CASKIN1: variants seen among roughly 807,000 people sequenced by gnomAD.
CASKIN1 encodes caskin-1.
A neutral mutation model predicts 117.5 loss-of-function variants in CASKIN1; 42 were observed. That is an observed-to-expected ratio of 0.36 (90% CI 0.28 to 0.46). The LOEUF (loss-of-function observed/expected upper bound fraction) is 0.46. Among genes scored for constraint, CASKIN1 ranks in the 20% least tolerant of loss-of-function variants. The probability of loss-of-function intolerance (pLI) is 1.00; values close to 1 mark genes in which losing one functional copy is unlikely to be tolerated. For synonymous variants in CASKIN1, 1,148 were observed against 961.7 expected, an observed-to-expected ratio of 1.19 and a Z score of -3.59; for missense variants, 2,083 against 2,077.3, an observed-to-expected ratio of 1.00 and a Z score of -0.05.
intron 1 of CASKIN1, among the ~76,000 whole-genome samples, chr16:2,195,144 C>T (rs1022343267): frequency 1.3e-5 from 2 of 152,212 alleles, no homozygotes; most frequent in African/African-American, 4.8e-5. Flanking sequence ...GCCCCCGGAC[C>T]TGAAATCAGC....
Position 2,180,193 on chromosome 16 carries a change from C to G in CASKIN1, c.3175G>C (p.Val1059Leu), listed in dbSNP as rs900932823. The G allele has an allele frequency of 1.3e-6, 2 of 1,549,878 alleles. No individual in the cohort carries two copies. Among genetic ancestry groups the G allele is most frequent in the Non-Finnish European group, 1.7e-6 (2 of 1,147,494 alleles). Residue 1059 changes from valine (V) to leucine (L), a missense_variant, in exon 18 of 20, where the codon GTG (valine) becomes CTG (leucine). This residue lies in a region of CASKIN1 where 1,818 missense variants were observed against 1,688.9 expected (regional missense o/e 1.08). Transcript: ENST00000343516. Reference sequence around the variant, plus strand: ...CTGAGCGTGCGGCGCCGGTTCACCACCTCCCCGCCAGGCCCGATGGCCTCT... The same window carrying G: ...CTGAGCGTGCGGCGCCGGTTCACCAGCTCCCCGCCAGGCCCGATGGCCTCT... ...HKEAIGPGGE[V>L]VNRRRTLSGP...
chr16:2,185,554 A>C, intron 10 of CASKIN1, 146 bp from the exon 11 acceptor site: 4 of 634,824 alleles, frequency 6.3e-6, no homozygotes, highest in Non-Finnish European at 1.1e-5. Context: ...CCCTCGGAAG[A>C]CCCCTCCCAC....
At chr16:2,185,776 C>A (rs1215127622) in intron 10 of CASKIN1, among the ~76,000 whole-genome samples, 1 of 152,212 alleles carries the variant, frequency 6.6e-6, no homozygotes, top group Non-Finnish European at 1.5e-5. Context: ...GCTGGCCCTG[C>A]CTGTCAACCT....
rs899149209 is a variant in CASKIN1, at chr16:2,180,101, G to C, written c.3267C>G (p.Pro1089=). 1 of 1,559,992 alleles carries C rather than the reference G, an allele frequency of 6.4e-7. No homozygotes were observed. The highest frequency in any genetic ancestry group is 8.7e-7 in the Non-Finnish European group (1 of 1,153,484). ...GCCGGCCAGTGCCATCCTCCACAAA[G>C]GGGCCTGGGTCTGCCGACTCCCCAG... The part of the protein sequence containing the change: ...RGPGESADPG[P]FVEDGTGRQR... The change falls in exon 18 of 20, where the codon CCC becomes CCG. Residue 1089 remains proline (P), a synonymous_variant. Transcript: ENST00000343516.
Position 2,183,698 on chromosome 16 carries a change from G to T in CASKIN1, c.1577C>A (p.Ala526Glu). 1 of 1,613,396 alleles carries T rather than the reference G, an allele frequency of 6.2e-7. No homozygotes were observed. The change falls in exon 16 of 20, where the codon GCG (alanine) becomes GAG (glutamate). Residue 526 changes from alanine to glutamate, a missense_variant. By Grantham distance (107) the Ala-to-Glu change is moderately radical. Around this residue, in one of 3 missense-constraint regions of CASKIN1, gnomAD observed 1,818 missense variants for 1,688.9 expected, o/e 1.08. Coordinates refer to ENST00000343516, the MANE Select transcript of CASKIN1 (RefSeq NM_020764.4). ...GATGCTTAGGCCGCTGATCTCTGCC[G>T]CGATCTTCTTCCGGTGGCCCGGCTT... Reference protein sequence around the residue: ...VTKPGHRKKIAAEISGLSIPD... With the variant: ...VTKPGHRKKIEAEISGLSIPD...
intron 10 of CASKIN1, 93 bp from the exon 11 acceptor site, chr16:2,185,501 G>C: frequency 1.9e-6 from 2 of 1,071,318 alleles, no homozygotes; most frequent in Admixed American, 5.6e-5. Context: ...AGCCACAGCC[G>C]GGGGTCCTCT....
At position 2,189,104 on chromosome 16, in the gene CASKIN1, C is replaced by A. The variant is rs756740371; in HGVS notation, c.540G>T (p.Arg180=). ...CGTTGGGGTCGGTGGCGTCTCCCGG[C>A]CGGGGCTCCAGCAGCGCCGCACACA... ...SNMCAALLEP[R]PGDATDPNGT... is the part of the protein sequence containing the mutation. Residue 180 remains arginine (R), a synonymous_variant, in exon 6 of 20, where the codon CGG becomes CGT. Transcript: ENST00000343516. 6.2e-7 allele frequency: 1 copy of A among 1,613,554 alleles called. No individual in the cohort carries two copies. The highest frequency in any genetic ancestry group is 8.5e-7 in the Non-Finnish European group (1 of 1,179,812).
In CASKIN1 at chr16:2,181,617, G is replaced by T. The variant is rs763106393; in HGVS notation, c.1769-18C>A. 1.3e-6 allele frequency: 2 copies of T among 1,544,512 alleles called. No homozygotes were observed. The highest frequency in any genetic ancestry group is 1.7e-6 in the Non-Finnish European group (2 of 1,148,694). ...CTGGTGCCCTGAGTGGGGCGCAGGG[G>T]GCAGGTCAGGTGGACCAGGAGGCGG... is the stretch of plus-strand genomic sequence containing the variant. On this transcript the variant is annotated intron_variant, in intron 17 of 19. Coordinates refer to ENST00000343516, the MANE Select transcript of CASKIN1 (RefSeq NM_020764.4).
At chr16:2,190,019 C>T (rs541281143) in intron 3 of CASKIN1, 54 bp downstream of exon 3, 332 of 1,455,144 alleles carry the variant, frequency 2.3e-4, no homozygotes, top group Non-Finnish European at 2.9e-4. Context: ...CCCTGGGGAG[C>T]CCCCCTCGCT....
rs370834578 is a variant in CASKIN1 at position 2,194,946 on chromosome 16, G to A, written c.94+1393C>T. Among the ~76,000 whole-genome samples, 143 of 152,376 alleles carry A rather than the reference G, an allele frequency of 9.4e-4. 1 individual carries two copies. Among genetic ancestry groups the A allele is most frequent in the African/African-American group, 2.8e-3 (116 of 41,586 alleles). ...CAAGTGCCCAGGCTCACTGGTCTTA[G>A]GACCCCACCGTGAGGCTGACATCCC... On this transcript the variant is annotated intron_variant, in intron 1 of 19. Coordinates refer to ENST00000343516, the MANE Select transcript of CASKIN1 (RefSeq NM_020764.4).
At position 2,178,219 on chromosome 16, in the gene CASKIN1, G is replaced by C. The variant is rs987264187; in HGVS notation, c.*331C>G. 3 of 442,812 alleles carry C rather than the reference G, an allele frequency of 6.8e-6. No homozygotes were observed. Among genetic ancestry groups the C allele is most frequent in the Admixed American group, 3.5e-5 (1 of 28,660 alleles). 27.4% of individuals were successfully genotyped at this position (442,812 alleles called of 1,614,324 possible). A position where few individuals can be genotyped will look rare whatever the true frequency, so the allele number is the denominator to read the frequency against. On this transcript the variant is annotated 3_prime_UTR_variant, in exon 20 of 20. Coordinates refer to ENST00000343516, the MANE Select transcript of CASKIN1 (RefSeq NM_020764.4). ...CGAGCGGCTGGCCGGGCGTCCCGAT[G>C]GGCAGTTCTGTGCTGGGCCCGGGCC...
chr16:2,180,958 C>T lies in CASKIN1; in HGVS notation c.2410G>A (p.Val804Met), dbSNP rs1338787893. The T allele has an allele frequency of 5.5e-6, 8 of 1,466,674 alleles. No individual in the cohort carries two copies. The highest frequency in any genetic ancestry group is 7.2e-6 in the Non-Finnish European group (8 of 1,114,506). The allele number at this position is 1,466,674 out of a possible 1,614,324, so 90.9% of individuals were successfully genotyped here. A position where few individuals can be genotyped will look rare whatever the true frequency, so the allele number is the denominator to read the frequency against. Residue 804 changes from valine (V) to methionine (M), a missense_variant, in exon 18 of 20, where the codon GTG (valine) becomes ATG (methionine). This residue lies in a region of CASKIN1 where 1,818 missense variants were observed against 1,688.9 expected (regional missense o/e 1.08). Transcript: ENST00000343516. The stretch of plus-strand genomic sequence containing the variant: ...GGCAGCAGCTGCGGGGTGGGCTTCA[C>T]CTTGGCCGTAGCTGGGGCTGGACCA... ...PHGPAPATAK[V>M]KPTPQLLPPT...
chr16:2,181,653 G>A (rs111946044), intron 17 of CASKIN1, 54 bp from the exon 18 acceptor site: 1 of 1,405,412 alleles, frequency 7.1e-7, no homozygotes, highest in African/African-American at 1.4e-5. Context: ...AGGGGCAGGG[G>A]CCGGGCTAGG....
intron 11 of CASKIN1, 30 bp downstream of exon 11, chr16:2,185,277 C>T: frequency 5.0e-6 from 8 of 1,594,754 alleles, no homozygotes; most frequent in Non-Finnish European, 6.9e-6. Context: ...GGAAGTCCTG[C>T]CACCTCTGCC....
rs941915070 is a variant in CASKIN1, at chr16:2,181,656, G to C, written c.1769-57C>G. On this transcript the variant is annotated intron_variant, in intron 17 of 19. Coordinates refer to ENST00000343516, the MANE Select transcript of CASKIN1 (RefSeq NM_020764.4). ...ACCAGGAGGCGGAGGGGCAGGGGCCGGGCTAGGGGCGGGGCTGGGCTGGGC... is the reference window on the plus strand; with the variant it reads ...ACCAGGAGGCGGAGGGGCAGGGGCCCGGCTAGGGGCGGGGCTGGGCTGGGC... 6.0e-6 allele frequency: 9 copies of C among 1,497,036 alleles called. No homozygotes were observed. In the Admixed American group the frequency reaches 1.4e-4, roughly 24 times the overall value. The allele number at this position is 1,497,036 out of a possible 1,614,324, so 92.7% of individuals were successfully genotyped here. A position where few individuals can be genotyped will look rare whatever the true frequency, so the allele number is the denominator to read the frequency against.
chr16:2,181,828 G>A lies in CASKIN1; in HGVS notation c.1731C>T (p.Thr577=), dbSNP rs1278901345. ...TGCCGATCTCCTGCAGGTCCTCCCA[G>A]GTGATGTCGGTGATGAAATCAATGT... The part of the protein sequence containing the change: ...YENIDFITDI[T]WEDLQEIGIT... Residue 577 remains threonine, a synonymous_variant, in exon 17 of 20, where the codon ACC becomes ACT. Coordinates refer to ENST00000343516, the MANE Select transcript of CASKIN1 (RefSeq NM_020764.4). 6.2e-6 allele frequency: 10 copies of A among 1,613,610 alleles called. No homozygotes were observed. Among genetic ancestry groups the A allele is most frequent in the Non-Finnish European group, 8.5e-6 (10 of 1,180,000 alleles).
rs898839154 is a variant in CASKIN1, at chr16:2,182,544, C to G, written c.1630-615G>C. Among the ~76,000 whole-genome samples the G allele has an allele frequency of 7.2e-5, 11 of 152,312 alleles. No homozygotes were observed. The highest frequency in any genetic ancestry group is 2.6e-4 in the African/African-American group (11 of 41,572). On this transcript the variant is annotated intron_variant, in intron 16 of 19. Coordinates refer to ENST00000343516, the MANE Select transcript of CASKIN1 (RefSeq NM_020764.4). This position sits in a 1 kb window ranked among gnomAD's most constrained non-coding sequence, Gnocchi z 4.1. ...CTGCTCTTGAACACTCAGCCACCCC[C>G]AGGTGCGCGGCAAGGCCCGTGGGAC...
chr16:2,186,817 T>C lies in CASKIN1; in HGVS notation c.938A>G (p.Glu313Gly). Residue 313 changes from glutamate to glycine, a missense_variant, in exon 10 of 20, where the codon GAG becomes GGG. Around this residue, in one of 3 missense-constraint regions of CASKIN1, gnomAD observed 1,818 missense variants for 1,688.9 expected, o/e 1.08. Coordinates refer to ENST00000343516, the MANE Select transcript of CASKIN1 (RefSeq NM_020764.4). Reference protein sequence around the residue: ...VKAGDIITVLEQHPDGRWKGC... With the variant: ...VKAGDIITVLGQHPDGRWKGC... The stretch of plus-strand genomic sequence containing the variant: ...CTTCCACCGGCCATCCGGATGCTGC[T>C]CGAGGACCTGGCCAGTAAGGTGGGG... The C allele has an allele frequency of 6.2e-7, 1 of 1,612,956 alleles. No homozygotes were observed. The highest frequency in any genetic ancestry group is 8.5e-7 in the Non-Finnish European group (1 of 1,179,926).
Position 2,182,297 on chromosome 16 carries a change from G to A in CASKIN1, c.1630-368C>T, listed in dbSNP as rs534332229. On this transcript the variant is annotated intron_variant, in intron 16 of 19. Transcript: ENST00000343516. This position sits in a 1 kb window ranked among gnomAD's most constrained non-coding sequence, Gnocchi z 4.1. ...GGGGCCACACCTGGTACAGGAACACGCACATGATTTGCACGCTGCGCTCCC... is the reference window on the plus strand; with the variant it reads ...GGGGCCACACCTGGTACAGGAACACACACATGATTTGCACGCTGCGCTCCC... Among the ~76,000 whole-genome samples, 5 of 152,046 alleles carry A rather than the reference G, an allele frequency of 3.3e-5. No individual in the cohort carries two copies. Among genetic ancestry groups the A allele is most frequent in the South Asian group, 4.2e-4 (2 of 4,812 alleles).
Sources: gnomAD v4.1 joint callset for allele counts (sites outside exome capture counted in the v4.1 genomes callset) on GRCh38, gnomAD v4.1.1 for gene constraint, gnomAD v4.1.1 regional missense constraint, Gnocchi (gnomAD v3.1) non-coding constraint, MANE v1.5 for transcripts, NCBI Gene and HGNC (gene_info 2026-07-23, HGNC 2026-07-21) for gene names.